Variants in VTA1 observed in about 807,000 individuals in gnomAD.
The protein encoded by VTA1 is vacuolar protein sorting-associated protein VTA1 homolog.
In VTA1, 24 loss-of-function variants were observed where a neutral mutation model predicts 36.9. The observed-to-expected ratio is 0.65, with a 90% CI of 0.47 to 0.91. The LOEUF is 0.91. Among genes scored for constraint, VTA1 ranks in the 40% least tolerant of loss-of-function variants. The pLI is 0.00. For synonymous variants in VTA1, 142 were observed against 130.2 expected (o/e 1.09, Z -0.62); for missense variants, 393 against 377.2 (o/e 1.04, Z -0.35).
At chr6:142,193,932 T>C (rs1197148249) in intron 5 of VTA1, among the ~76,000 whole-genome samples, 1 of 152,080 alleles carries the variant, frequency 6.6e-6, no homozygotes, top group East Asian at 1.9e-4. Flanking sequence ...TGGTCCATTA[T>C]ATTGATGACA....
intron 1 of VTA1, among the ~76,000 whole-genome samples, chr6:142,163,276 C>T (rs1774844486): frequency 6.6e-6 from 1 of 151,944 alleles, no homozygotes. Flanking sequence ...CTTCAGTCAT[C>T]TAGTATTTAT....
intron 1 of VTA1, among the ~76,000 whole-genome samples, chr6:142,160,247 C>G (rs983803482): frequency 2.0e-5 from 3 of 152,222 alleles, no homozygotes; most frequent in Non-Finnish European, 2.9e-5. Context: ...CAAAAGTATG[C>G]CCATCTTGGA....
intron 1 of VTA1, among the ~76,000 whole-genome samples, chr6:142,154,462 C>A (rs1467862426): frequency 2.0e-5 from 3 of 152,040 alleles, no homozygotes; most frequent in Non-Finnish European, 4.4e-5. Flanking sequence ...ACCCTAGTTT[C>A]CATTTCCCTG....
At chr6:142,204,817 C>T (rs541566604) in intron 7 of VTA1, among the ~76,000 whole-genome samples, 5 of 152,036 alleles carry the variant, frequency 3.3e-5, no homozygotes, top group East Asian at 1.9e-4. Context: ...CTCTGCCTCC[C>T]GGGTTCAAGC....
intron 7 of VTA1, among the ~76,000 whole-genome samples, chr6:142,205,607 C>A (rs528062864): frequency 1.2e-4 from 18 of 152,222 alleles, no homozygotes; most frequent in Non-Finnish European, 2.2e-4. Flanking sequence ...AAATATACTT[C>A]TTTAGATACT....
rs148093615 is a variant in VTA1, at chr6:142,173,245, A to G, written c.411+2824A>G. On this transcript the variant is annotated intron_variant, in intron 4 of 7. Transcript: ENST00000367630. ...TGGATTGTTTTGAATGAGAGAGATGACTAAATAAATACCCTTGGTAAACAC... is the reference window on the plus strand; with the variant it reads ...TGGATTGTTTTGAATGAGAGAGATGGCTAAATAAATACCCTTGGTAAACAC... 1.4e-3 allele frequency among the ~76,000 whole-genome samples: 217 copies of G among 152,326 alleles called. 1 individual carries two copies. The highest frequency in any genetic ancestry group is 5.6e-3 in the South Asian group (27 of 4,822).
chr6:142,198,860 A>G (rs769805166), intron 6 of VTA1: 4 of 276,972 alleles, frequency 1.4e-5, no homozygotes, highest in African/African-American at 2.2e-5. Context: ...TTTTATTAAT[A>G]AGATTGGTTT....
intron 1 of VTA1, among the ~76,000 whole-genome samples, chr6:142,153,136 A>G (rs934672826): frequency 1.3e-5 from 2 of 152,174 alleles, no homozygotes; most frequent in Non-Finnish European, 2.9e-5. Flanking sequence ...ACCACCTGAC[A>G]CATAAATGGA....
In VTA1 at chr6:142,198,105, ATAT is replaced by A. The variant is rs1241758147; in HGVS notation, c.521-333_521-331del. 7.6e-4 allele frequency among the ~76,000 whole-genome samples: 92 copies of A among 121,232 alleles called. 1 individual carries two copies. The highest frequency in any genetic ancestry group is 2.3e-3 in the South Asian group (9 of 3,874). The allele number at this position is 121,232 out of a possible 152,430, so 79.5% of individuals were successfully genotyped here. On this transcript the variant is annotated intron_variant, in intron 5 of 7. Transcript: ENST00000367630. The stretch of plus-strand genomic sequence containing the variant: ...GAGTGAGACTCCGTCTCAAAAAAAA[ATAT>A]ATATATATATATGTGTGTGTGTGTG...
intron 4 of VTA1, among the ~76,000 whole-genome samples, chr6:142,186,391 TAGAA>T (rs575078072): frequency 7.8e-4 from 118 of 152,208 alleles, no homozygotes; most frequent in South Asian, 2.3e-3. Context: ...ATTTATATTT[TAGAA>T]AGATCACTGT....
At chr6:142,187,125 T>C (rs1775356051) in intron 4 of VTA1, among the ~76,000 whole-genome samples, 1 of 152,226 alleles carries the variant, frequency 6.6e-6, no homozygotes, top group African/African-American at 2.4e-5. Flanking sequence ...ACATAATTCA[T>C]ATTTAAAATT....
chr6:142,193,479 A>G (rs776269567), intron 5 of VTA1, among the ~76,000 whole-genome samples: 5 of 152,068 alleles, frequency 3.3e-5, no homozygotes, highest in Non-Finnish European at 5.9e-5. Flanking sequence ...TTGATGATTT[A>G]TCATTCTTTT....
In VTA1 at chr6:142,209,127, T is replaced by A. The variant is rs571211009; in HGVS notation, c.778+5062T>A. 1.6e-4 allele frequency among the ~76,000 whole-genome samples: 25 copies of A among 152,162 alleles called. No homozygotes were observed. In the South Asian group the frequency reaches 3.7e-3, roughly 23 times the overall value. ...TTATGCCTATAAAAACCTAAAGACA[T>A]CTTATGCCTATAAAAACCTAAAGAC... On this transcript the variant is annotated intron_variant, in intron 7 of 7. Coordinates refer to ENST00000367630, the MANE Select transcript of VTA1 (RefSeq NM_016485.5).
chr6:142,188,261 A>T (rs1582892839), intron 4 of VTA1, among the ~76,000 whole-genome samples: 1 of 100,896 alleles, frequency 9.9e-6, no homozygotes, highest in Non-Finnish European at 1.9e-5. Flanking sequence ...TTTGAGACAG[A>T]GTCTCTCTCT....
intron 7 of VTA1, among the ~76,000 whole-genome samples, chr6:142,209,759 A>G (rs1479731358): frequency 6.6e-6 from 1 of 152,036 alleles, no homozygotes; most frequent in Non-Finnish European, 1.5e-5. Context: ...AGAAGTAGAC[A>G]CATAAAAAAT....
chr6:142,149,142 C>A (rs933897189), intron 1 of VTA1, among the ~76,000 whole-genome samples: 1 of 152,166 alleles, frequency 6.6e-6, no homozygotes, highest in African/African-American at 2.4e-5. Flanking sequence ...GCTTTTCCAG[C>A]CTTATAGGTA....
At chr6:142,198,700 G>T in intron 6 of VTA1, 85 bp downstream of exon 6, 2 of 1,284,250 alleles carry the variant, frequency 1.6e-6, no homozygotes, top group Non-Finnish European at 2.1e-6. Flanking sequence ...GCCTCATAAT[G>T]ATGGTCATGA....
chr6:142,169,933 A>G (rs894154172), intron 3 of VTA1, among the ~76,000 whole-genome samples: 6 of 152,174 alleles, frequency 3.9e-5, no homozygotes, highest in African/African-American at 1.4e-4. Context: ...TTTAACATTT[A>G]GTAAAATCTG....
intron 5 of VTA1, among the ~76,000 whole-genome samples, chr6:142,189,971 A>C (rs570142695): frequency 6.6e-6 from 1 of 152,142 alleles, no homozygotes; most frequent in South Asian, 2.1e-4. Flanking sequence ...GTTAGACAGG[A>C]TGGTCTCGAT....
Sources: allele counts gnomAD v4.1 joint callset (sites outside exome capture counted in the v4.1 genomes callset), GRCh38; gene constraint gnomAD v4.1.1; transcripts MANE v1.5; gene names NCBI Gene and HGNC (gene_info 2026-07-23, HGNC 2026-07-21).